Variants in EPS15 observed in about 807,000 individuals in gnomAD.
EPS15 encodes the protein epidermal growth factor receptor pathway substrate 15, also known as epidermal growth factor receptor substrate 15.
In EPS15, 72 loss-of-function variants were observed where a neutral mutation model predicts 113.8. That is an observed-to-expected ratio of 0.63 (90% CI 0.52 to 0.77). The LOEUF (loss-of-function observed/expected upper bound fraction) is 0.77, where lower values mean the gene tolerates loss of function less well. Ranked by LOEUF, EPS15 falls within the 30% of genes least tolerant of loss-of-function variation. The pLI is 0.00. For missense variants in EPS15, 1,048 were observed against 1,045.8 expected, an observed-to-expected ratio of 1.00 and a Z score of -0.03; for synonymous variants, 344 against 363.4, an observed-to-expected ratio of 0.95 and a Z score of 0.61.
chr1:51,494,793 T>C (rs1644297681), intron 1 of EPS15, among the ~76,000 whole-genome samples: 1 of 152,210 alleles, frequency 6.6e-6, no homozygotes, highest in African/African-American at 2.4e-5. Flanking sequence ...CGTTCAAATT[T>C]CCCTTTTTAT....
intron 23 of EPS15, among the ~76,000 whole-genome samples, chr1:51,362,492 C>A (rs1391219717): frequency 1.3e-5 from 2 of 152,122 alleles, no homozygotes; most frequent in Admixed American, 1.3e-4. Context: ...TTTAAAAAAA[C>A]AACCTCACTA....
intron 1 of EPS15, among the ~76,000 whole-genome samples, chr1:51,498,204 C>A (rs1024395217): frequency 6.6e-6 from 1 of 152,114 alleles, no homozygotes; most frequent in African/African-American, 2.4e-5. Context: ...TACAATGGAA[C>A]AAAGAGACCT....
intron 24 of EPS15, among the ~76,000 whole-genome samples, chr1:51,357,424 ATATTTTTT>A (rs1220954877): frequency 6.3e-4 from 43 of 68,180 alleles, no homozygotes; most frequent in African/African-American, 3.0e-3. Context: ...ATATATATAT[ATATTTTTT>A]TTTTTTAAAT....
At chr1:51,450,029 G>T (rs1242425543) in intron 8 of EPS15, among the ~76,000 whole-genome samples, 1 of 151,782 alleles carries the variant, frequency 6.6e-6, no homozygotes, top group Non-Finnish European at 1.5e-5. Flanking sequence ...GTCAGATGCT[G>T]CTCTTCTTCT....
intron 21 of EPS15, among the ~76,000 whole-genome samples, chr1:51,387,301 A>C (rs963306344): frequency 2.6e-5 from 4 of 152,176 alleles, no homozygotes; most frequent in Admixed American, 2.0e-4. Context: ...ACCTGCCCTA[A>C]AAGAGCTCCT....
At chr1:51,386,193 G>C (rs527578328) in intron 21 of EPS15, among the ~76,000 whole-genome samples, 2 of 152,054 alleles carry the variant, frequency 1.3e-5, no homozygotes, top group African/African-American at 4.8e-5. Context: ...TCAGGTTCTT[G>C]GGTTATATCA....
chr1:51,456,776 A>G (rs1302975068), intron 8 of EPS15, among the ~76,000 whole-genome samples: 2 of 152,210 alleles, frequency 1.3e-5, no homozygotes, highest in African/African-American at 4.8e-5. Context: ...ATCTTGCAGT[A>G]ATTATAATTT....
At chr1:51,423,219 T>C (rs1408890345) in intron 12 of EPS15, 5 of 1,288,982 alleles carry the variant, frequency 3.9e-6, no homozygotes, top group Non-Finnish European at 5.1e-6. Flanking sequence ...GTTTGTCAGA[T>C]GGGTCGCAAT....
chr1:51,416,045 T>C (rs1036653358), intron 13 of EPS15, among the ~76,000 whole-genome samples: 9 of 152,046 alleles, frequency 5.9e-5, no homozygotes, highest in African/African-American at 2.2e-4. Context: ...TTGGTACAGA[T>C]TGCTTATCCT....
At chr1:51,444,561 T>C (rs952978194) in intron 11 of EPS15, among the ~76,000 whole-genome samples, 1 of 152,208 alleles carries the variant, frequency 6.6e-6, no homozygotes, top group African/African-American at 2.4e-5. Flanking sequence ...ACACAATAAT[T>C]TAATTTTTAT....
At chr1:51,374,246 C>A (rs1467017079) in intron 21 of EPS15, among the ~76,000 whole-genome samples, 2 of 152,042 alleles carry the variant, frequency 1.3e-5, no homozygotes, top group Non-Finnish European at 2.9e-5. Context: ...GTAAAATATT[C>A]CACACAAAAA....
intron 1 of EPS15, among the ~76,000 whole-genome samples, chr1:51,497,975 C>CAAA (rs371365509): frequency 2.1e-4 from 15 of 71,600 alleles, no homozygotes; most frequent in Admixed American, 1.1e-3. Context: ...GACCCCGTCT[C>CAAA]AAAAAAAAAA....
intron 11 of EPS15, among the ~76,000 whole-genome samples, chr1:51,441,086 C>T (rs977714578): frequency 2.6e-5 from 4 of 152,004 alleles, no homozygotes; most frequent in African/African-American, 7.2e-5. Context: ...TCCTTGTATT[C>T]AGAAAATCTA....
chr1:51,432,260 A>G (rs781700354), intron 12 of EPS15, among the ~76,000 whole-genome samples: 12 of 152,186 alleles, frequency 7.9e-5, no homozygotes, highest in Non-Finnish European at 1.3e-4. Flanking sequence ...AATGTATAAT[A>G]ATTCTAACTC....
chr1:51,388,887 G>A (rs1312057984), intron 21 of EPS15, among the ~76,000 whole-genome samples: 1 of 151,792 alleles, frequency 6.6e-6, no homozygotes, highest in East Asian at 1.9e-4. Context: ...TCTACCAGAG[G>A]TACAAGGAGG....
intron 21 of EPS15, among the ~76,000 whole-genome samples, chr1:51,383,792 A>C (rs1646994599): frequency 6.6e-6 from 1 of 152,208 alleles, no homozygotes; most frequent in Non-Finnish European, 1.5e-5. Flanking sequence ...ATTCAAAACA[A>C]AGAAATAAAA....
chr1:51,358,709 GTT>G (rs71063028), intron 24 of EPS15, among the ~76,000 whole-genome samples: 5 of 121,346 alleles, frequency 4.1e-5, no homozygotes, highest in Admixed American at 8.3e-5. Flanking sequence ...GTTTTTTTTT[GTT>G]TTTTTTTTTT....
chr1:51,421,867 C>A lies in EPS15; in HGVS notation c.1041-9G>T. The A allele has an allele frequency of 6.2e-7, 1 of 1,611,362 alleles. No individual in the cohort carries two copies. On this transcript the variant is annotated splice_polypyrimidine_tract_variant and intron_variant, in intron 12 of 24. Coordinates refer to ENST00000371733, the MANE Select transcript of EPS15 (RefSeq NM_001981.3). ...CCACATTATTCTTTTCCCTAGAAGACCAGCAAACAATGCAAGAATATTTTA... is the reference window on the plus strand; with the variant it reads ...CCACATTATTCTTTTCCCTAGAAGAACAGCAAACAATGCAAGAATATTTTA...
chr1:51,372,536 G>T, intron 21 of EPS15: 1 of 529,912 alleles, frequency 1.9e-6, no homozygotes, highest in South Asian at 1.4e-5. Flanking sequence ...AAGAATAGTT[G>T]GGTGGTACCA....
Sources: gnomAD v4.1 joint callset for allele counts (sites outside exome capture counted in the v4.1 genomes callset) on GRCh38, gnomAD v4.1.1 for gene constraint, MANE v1.5 for transcripts, NCBI Gene and HGNC (gene_info 2026-07-23, HGNC 2026-07-21) for gene names.